The following COL5A2 variants were observed in gnomAD, a reference collection of about 807,000 sequenced individuals.
COL5A2 encodes collagen alpha-2(V) chain.
A neutral mutation model predicts 208.2 loss-of-function variants in COL5A2; 23 were observed. The observed-to-expected ratio is 0.11, with a 90% CI of 0.08 to 0.16. The LOEUF is 0.16. Ranked by LOEUF, COL5A2 falls within the 10% of genes least tolerant of loss-of-function variation. The pLI is 1.00. For missense variants in COL5A2, 1,590 were observed against 1,956.4 expected (o/e 0.81, Z 3.53); for synonymous variants, 625 against 628.5 (o/e 0.99, Z 0.08).
the COL5A2 span, among the ~76,000 whole-genome samples, chr2:189,438,509 C>G: frequency 6.6e-6 from 1 of 152,154 alleles, no homozygotes; most frequent in Admixed American, 6.5e-5. Flanking sequence ...GAATACCACT[C>G]AGCAATATAA....
intron 17 of COL5A2, 26 bp from the exon 18 acceptor site, chr2:189,072,119 T>A: frequency 6.4e-7 from 1 of 1,552,586 alleles, no homozygotes. Flanking sequence ...AGAAAAGTAA[T>A]CAGACATGTA....
chr2:189,131,050 A>G (rs1687704786), intron 1 of COL5A2, among the ~76,000 whole-genome samples: 1 of 152,128 alleles, frequency 6.6e-6, no homozygotes, highest in Non-Finnish European at 1.5e-5. Context: ...AGGTAAAGAC[A>G]AAGAGCTCCA....
intron 1 of COL5A2, among the ~76,000 whole-genome samples, chr2:189,143,078 C>G (rs1687966556): frequency 6.6e-6 from 1 of 152,126 alleles, no homozygotes; most frequent in African/African-American, 2.4e-5. Context: ...ACAGAGTATG[C>G]AGTGTCAGCT....
At chr2:189,113,140 G>T (rs752838928) in intron 1 of COL5A2, among the ~76,000 whole-genome samples, 8 of 152,124 alleles carry the variant, frequency 5.3e-5, no homozygotes, top group Non-Finnish European at 1.2e-4. Context: ...AATATTGAAA[G>T]CATATGTGGC....
At chr2:189,097,477 G>T in intron 5 of COL5A2, 147 bp from the exon 6 acceptor site, 1 of 824,612 alleles carries the variant, frequency 1.2e-6, no homozygotes, top group Non-Finnish European at 2.0e-6. Flanking sequence ...AAAGCCATGT[G>T]CATATAAAAG....
chr2:189,097,226 G>A (rs543870549), intron 6 of COL5A2, 51 bp downstream of exon 6: 1 of 1,574,614 alleles, frequency 6.4e-7, no homozygotes, highest in South Asian at 1.1e-5. Context: ...AGAACACAGT[G>A]TAAACTGACT....
At position 189,075,454 on chromosome 2, in the gene COL5A2, G is replaced by C. The variant is rs1289808587; in HGVS notation, c.1060-17C>G. On this transcript the variant is annotated splice_polypyrimidine_tract_variant and intron_variant, in intron 16 of 53. Coordinates refer to ENST00000374866, the MANE Select transcript of COL5A2 (RefSeq NM_000393.5). ...TCGTTGTCCCTAATTAAGAGAAAAA[G>C]AGACAAGACAGGATAAGATTACATT... 1.9e-6 allele frequency: 3 copies of C among 1,597,880 alleles called. No homozygotes were observed. In the African/African-American group the frequency reaches 4.0e-5, roughly 21 times the overall value.
chr2:189,055,258 T>G (rs1685878905), intron 35 of COL5A2, among the ~76,000 whole-genome samples: 1 of 152,172 alleles, frequency 6.6e-6, no homozygotes, highest in Non-Finnish European at 1.5e-5. Flanking sequence ...TACTTTGAGA[T>G]TTATGGGCAT....
intron 1 of COL5A2, among the ~76,000 whole-genome samples, chr2:189,169,627 A>T (rs1000515143): frequency 1.3e-5 from 2 of 152,214 alleles, no homozygotes; most frequent in Admixed American, 6.5e-5. Flanking sequence ...CTCTGAGAGC[A>T]AAAGTTGTTT....
At chr2:189,304,968 T>C in the COL5A2 span, among the ~76,000 whole-genome samples, 1 of 152,244 alleles carries the variant, frequency 6.6e-6, no homozygotes, top group African/African-American at 2.4e-5. Flanking sequence ...AAATAAGGAC[T>C]GAGAAATGAC....
the COL5A2 span, among the ~76,000 whole-genome samples, chr2:189,439,599 A>T: frequency 6.6e-6 from 1 of 152,204 alleles, no homozygotes; most frequent in African/African-American, 2.4e-5. Flanking sequence ...GATAAAGACA[A>T]CGCACTATTA....
intron 1 of COL5A2, among the ~76,000 whole-genome samples, chr2:189,112,491 C>T (rs941755506): frequency 2.6e-5 from 4 of 152,058 alleles, no homozygotes; most frequent in Admixed American, 2.6e-4. Context: ...AAACATTTTT[C>T]TCACTGTCCT....
At chr2:189,369,825 T>C in the COL5A2 span, among the ~76,000 whole-genome samples, 1 of 152,190 alleles carries the variant, frequency 6.6e-6, no homozygotes, top group African/African-American at 2.4e-5. Context: ...TTGTGTTAGT[T>C]TTCCGATTGC....
chr2:189,095,981 G>A (rs1686901933), intron 6 of COL5A2: 2 of 152,004 alleles, frequency 1.3e-5, no homozygotes, highest in South Asian at 4.2e-4. Flanking sequence ...GCACTGCTTT[G>A]CACCTACATG....
chr2:189,345,278 G>A, the COL5A2 span, among the ~76,000 whole-genome samples: 1 of 152,194 alleles, frequency 6.6e-6, no homozygotes. Context: ...TTTCACCTTG[G>A]TATAAGTCAA....
In COL5A2 at chr2:189,083,823, T is replaced by C. The variant is rs55711740; in HGVS notation, c.852+161A>G. On this transcript the variant is annotated intron_variant, in intron 12 of 53. Transcript: ENST00000374866. ...GCAGACAACTGGAGTTAACAATCAC[T>C]CTGGCAAAACGTCCTGTGACATTTT... Among the ~76,000 whole-genome samples, 21,596 of 152,234 alleles carry C rather than the reference T, an allele frequency of 0.14. 1,519 individuals carry two copies. The highest frequency in any genetic ancestry group is 0.19 in the Middle Eastern group (56 of 294).
chr2:189,229,409 G>A (rs1689454101), upstream of COL5A2, among the ~76,000 whole-genome samples: 1 of 149,138 alleles, frequency 6.7e-6, no homozygotes, highest in Non-Finnish European at 1.5e-5. Context: ...AGAAAATCCT[G>A]AAGATTGCAC....
the COL5A2 span, among the ~76,000 whole-genome samples, chr2:189,328,691 C>G: frequency 6.6e-6 from 1 of 152,184 alleles, no homozygotes; most frequent in South Asian, 2.1e-4. Context: ...TTTGTTTGCC[C>G]CACTGCTATA....
chr2:189,049,181 T>C (rs1316772481), intron 44 of COL5A2, among the ~76,000 whole-genome samples, 166 bp downstream of exon 44: 2 of 152,220 alleles, frequency 1.3e-5, no homozygotes, highest in Admixed American at 6.5e-5. Context: ...CTTTATGTCA[T>C]CACTTAGCCA....
Sources: gnomAD v4.1 joint callset for allele counts (sites outside exome capture counted in the v4.1 genomes callset) on GRCh38, gnomAD v4.1.1 for gene constraint, MANE v1.5 for transcripts, NCBI Gene and HGNC (gene_info 2026-07-23, HGNC 2026-07-21) for gene names.